The following FSTL4 variants were observed in gnomAD, a reference collection of about 807,000 sequenced individuals.
FSTL4 encodes follistatin-related protein 4.
In FSTL4, 28 loss-of-function variants were observed where a neutral mutation model predicts 78.2. The ratio of observed to expected loss-of-function variants is 0.36; its 90% CI spans 0.27 to 0.49. The LOEUF is 0.49. FSTL4 is among the 20% of genes least tolerant of loss of function. The pLI is 0.98. For missense variants in FSTL4, 922 were observed against 1,084.9 expected (o/e 0.85, Z 2.11); for synonymous variants, 422 against 440.5 (o/e 0.96, Z 0.53).
intron 4 of FSTL4, among the ~76,000 whole-genome samples, chr5:133,395,391 A>C (rs1178565970): frequency 6.6e-6 from 1 of 152,212 alleles, no homozygotes; most frequent in African/African-American, 2.4e-5. Context: ...TCCTGAAGCC[A>C]GCGAGACCAC....
At chr5:133,732,724 G>A in the FSTL4 span, among the ~76,000 whole-genome samples, 1 of 151,950 alleles carries the variant, frequency 6.6e-6, no homozygotes, top group East Asian at 1.9e-4. Context: ...CTTTTCCACA[G>A]GTCCAGGCCC....
chr5:133,514,029 A>T (rs1396076925), intron 3 of FSTL4, among the ~76,000 whole-genome samples: 1 of 151,930 alleles, frequency 6.6e-6, no homozygotes, highest in African/African-American at 2.4e-5. Flanking sequence ...ATACAAAAAA[A>T]TTAGCCAGGC....
the FSTL4 span, among the ~76,000 whole-genome samples, chr5:133,786,437 C>G: frequency 1.3e-5 from 2 of 152,206 alleles, no homozygotes; most frequent in African/African-American, 4.8e-5. Flanking sequence ...TTTGTAAAAC[C>G]TGAATCCCAT....
chr5:133,536,636 T>C lies in FSTL4; in HGVS notation c.160+30550A>G, dbSNP rs184702977. ...ATATAAAATAACAATACAGTGATTA[T>C]CCATGTATAATTTATGTATAATAAT... On this transcript the variant is annotated intron_variant, in intron 3 of 15. Transcript: ENST00000265342. Among the ~76,000 whole-genome samples the C allele has an allele frequency of 2.3e-3, 356 of 152,278 alleles. 3 individuals carry two copies. Among genetic ancestry groups the C allele is most frequent in the African/African-American group, 8.4e-3 (351 of 41,582 alleles).
chr5:133,802,685 T>C, the FSTL4 span, among the ~76,000 whole-genome samples: 1 of 152,234 alleles, frequency 6.6e-6, no homozygotes, highest in Non-Finnish European at 1.5e-5. Flanking sequence ...GTTCTATTTA[T>C]TTCTGAAAAT....
the FSTL4 span, among the ~76,000 whole-genome samples, chr5:133,631,914 C>T: frequency 1.1e-4 from 16 of 152,094 alleles, no homozygotes; most frequent in South Asian, 6.3e-4. Context: ...AACCAAACAC[C>T]GCATGTTCTC....
the FSTL4 span, among the ~76,000 whole-genome samples, chr5:133,771,483 G>C: frequency 2.0e-5 from 3 of 151,900 alleles, no homozygotes; most frequent in Non-Finnish European, 4.4e-5. Context: ...TGTTGTTGCT[G>C]TTGTAGCTAT....
intron 4 of FSTL4, among the ~76,000 whole-genome samples, chr5:133,329,560 G>A (rs1438483600): frequency 6.6e-6 from 1 of 152,218 alleles, no homozygotes; most frequent in East Asian, 1.9e-4. Context: ...ATGCTCGAGG[G>A]CAGGAAGCAA....
At chr5:133,583,058 T>A (rs1356065968) in intron 2 of FSTL4, among the ~76,000 whole-genome samples, 1 of 152,152 alleles carries the variant, frequency 6.6e-6, no homozygotes, top group Non-Finnish European at 1.5e-5. Context: ...AGGCTGTCCC[T>A]CCATGGCAGC....
the FSTL4 span, among the ~76,000 whole-genome samples, chr5:133,833,096 C>T: frequency 1.3e-5 from 2 of 152,308 alleles, no homozygotes; most frequent in South Asian, 4.2e-4. Context: ...GGATGATTTG[C>T]TATATCCCCT....
upstream of FSTL4, among the ~76,000 whole-genome samples, chr5:133,615,925 A>G (rs1402530455): frequency 6.6e-6 from 1 of 152,180 alleles, no homozygotes; most frequent in Non-Finnish European, 1.5e-5. Flanking sequence ...TGGAAAGGGA[A>G]TTGTGAATGG....
At chr5:133,640,698 G>A in the FSTL4 span, among the ~76,000 whole-genome samples, 1 of 152,120 alleles carries the variant, frequency 6.6e-6, no homozygotes, top group Non-Finnish European at 1.5e-5. Flanking sequence ...ATAAGAATGG[G>A]ATAACAGATG....
At chr5:133,317,713 G>T (rs1047166471) in intron 4 of FSTL4, among the ~76,000 whole-genome samples, 2 of 152,202 alleles carry the variant, frequency 1.3e-5, no homozygotes, top group East Asian at 3.9e-4. Flanking sequence ...CCTTGGGCAG[G>T]GTGCCTCAGT....
chr5:133,801,070 G>A, the FSTL4 span, among the ~76,000 whole-genome samples: 23 of 152,138 alleles, frequency 1.5e-4, no homozygotes, highest in African/African-American at 4.6e-4. Context: ...GCAGGTTGTC[G>A]CCTTCACCTG....
intron 6 of FSTL4, among the ~76,000 whole-genome samples, chr5:133,275,398 A>G (rs1056902505): frequency 3.3e-5 from 5 of 152,154 alleles, no homozygotes; most frequent in Non-Finnish European, 7.4e-5. Context: ...TGTCTGTATT[A>G]AAAATACAGA....
rs1039917930 is a variant in FSTL4 at position 133,198,307 on chromosome 5, G to C, written c.*788C>G. 6.6e-6 allele frequency: 1 copy of C among 152,618 alleles called. No individual in the cohort carries two copies. The highest frequency in any genetic ancestry group is 2.4e-5 in the African/African-American group (1 of 41,434). 9.5% of individuals were successfully genotyped at this position (152,618 alleles called of 1,614,324 possible). A position where few individuals can be genotyped will look rare whatever the true frequency, so the allele number is the denominator to read the frequency against. ...GGATGAGGTGGCCTGGTCTGCTCTT[G>C]GAGAAGCAGGGTGGCAATAGTCGAC... On this transcript the variant is annotated 3_prime_UTR_variant, in exon 16 of 16. Transcript: ENST00000265342.
intron 1 of FSTL4, among the ~76,000 whole-genome samples, chr5:133,604,240 A>G (rs1330430542): frequency 6.6e-6 from 1 of 152,184 alleles, no homozygotes; most frequent in Non-Finnish European, 1.5e-5. Flanking sequence ...GGCATAGAGT[A>G]AGAACTCTAT....
the FSTL4 span, among the ~76,000 whole-genome samples, chr5:133,749,479 C>T: frequency 3.3e-5 from 5 of 152,306 alleles, no homozygotes; most frequent in South Asian, 6.2e-4. Context: ...GCCATTTGCT[C>T]CCGCAGCTGA....
chr5:133,710,473 A>C, the FSTL4 span, among the ~76,000 whole-genome samples: 1 of 152,168 alleles, frequency 6.6e-6, no homozygotes, highest in African/African-American at 2.4e-5. Context: ...AACTGGGATG[A>C]GTGTCCTCTT....
Sources: allele counts gnomAD v4.1 joint callset (sites outside exome capture counted in the v4.1 genomes callset), GRCh38; gene constraint gnomAD v4.1.1; transcripts MANE v1.5; gene names NCBI Gene and HGNC (gene_info 2026-07-23, HGNC 2026-07-21).